Variants in PACC1 observed in about 807,000 individuals in gnomAD.
PACC1 encodes proton activated chloride channel 1, also known as proton-activated chloride channel.
A neutral mutation model predicts 39.7 loss-of-function variants in PACC1; 34 were observed. The observed-to-expected ratio is 0.86, with a 90% CI of 0.65 to 1.14. The LOEUF (loss-of-function observed/expected upper bound fraction) is 1.14. Ranked by LOEUF, PACC1 falls within the 50% of genes most tolerant of loss-of-function variation. PACC1 has a pLI of 0.00. For missense variants in PACC1, 379 were observed against 436.4 expected (o/e 0.87, Z 1.17); for synonymous variants, 127 against 160.6 (o/e 0.79, Z 1.58).
intron 6 of PACC1, among the ~76,000 whole-genome samples, chr1:212,375,919 C>A (rs1303576539): frequency 6.6e-6 from 1 of 152,100 alleles, no homozygotes; most frequent in Non-Finnish European, 1.5e-5. Flanking sequence ...AAACCATATT[C>A]AAACTACCAT....
At chr1:212,397,280 C>A (rs537930996) in intron 2 of PACC1, among the ~76,000 whole-genome samples, 1 of 152,216 alleles carries the variant, frequency 6.6e-6, no homozygotes, top group African/African-American at 2.4e-5. Context: ...AAAAACCCAG[C>A]AAGACAAGTA....
chr1:212,400,462 T>C (rs1006851181), intron 2 of PACC1, among the ~76,000 whole-genome samples: 2 of 152,226 alleles, frequency 1.3e-5, no homozygotes, highest in African/African-American at 2.4e-5. Flanking sequence ...TCTTCTGTTT[T>C]ACTCACAGAA....
intron 7 of PACC1, among the ~76,000 whole-genome samples, chr1:212,374,877 C>T (rs1412901861): frequency 6.6e-6 from 1 of 152,200 alleles, no homozygotes; most frequent in Non-Finnish European, 1.5e-5. Flanking sequence ...TAAGCAGCTA[C>T]TTTGCACTAA....
intron 1 of PACC1, among the ~76,000 whole-genome samples, chr1:212,412,929 T>G (rs1662190001): frequency 6.6e-6 from 1 of 152,216 alleles, no homozygotes; most frequent in Admixed American, 6.5e-5. Flanking sequence ...TTTTATTATC[T>G]TCATCTTTCA....
At chr1:212,411,242 G>A (rs566615072) in intron 1 of PACC1, among the ~76,000 whole-genome samples, 1 of 152,324 alleles carries the variant, frequency 6.6e-6, no homozygotes, top group South Asian at 2.1e-4. Flanking sequence ...AAAGCCCATA[G>A]TCTTAACCAC....
intron 7 of PACC1, among the ~76,000 whole-genome samples, chr1:212,371,256 AAAAG>A (rs1363494834): frequency 0.058 from 8,337 of 143,018 alleles, 733 homozygotes; most frequent in African/African-American, 0.23. Flanking sequence ...AAAAAAAAAA[AAAAG>A]AAAGAAAAGT....
At chr1:212,405,959 C>A (rs2102538270) in intron 2 of PACC1, among the ~76,000 whole-genome samples, 1 of 151,074 alleles carries the variant, frequency 6.6e-6, no homozygotes, top group South Asian at 2.1e-4. Flanking sequence ...CTGGGCAACA[C>A]TGCATGACCT....
intron 7 of PACC1, among the ~76,000 whole-genome samples, chr1:212,373,562 C>T (rs1660536970): frequency 6.6e-6 from 1 of 152,096 alleles, no homozygotes; most frequent in South Asian, 2.1e-4. Context: ...TAAGAGACAA[C>T]CTACAGAATG....
intron 5 of PACC1, among the ~76,000 whole-genome samples, chr1:212,378,627 CG>C (rs1347722426): frequency 6.6e-6 from 1 of 152,146 alleles, no homozygotes; most frequent in Non-Finnish European, 1.5e-5. Flanking sequence ...CTAGGCTCCA[CG>C]GTGTGACCCC....
chr1:212,377,126 C>T (rs1281591247), intron 6 of PACC1, among the ~76,000 whole-genome samples: 2 of 152,172 alleles, frequency 1.3e-5, no homozygotes, highest in African/African-American at 4.8e-5. Context: ...TGGCATCTCT[C>T]GCTGTGACAC....
intron 7 of PACC1, among the ~76,000 whole-genome samples, chr1:212,369,713 G>A (rs142960216): frequency 1.1e-3 from 170 of 151,532 alleles, no homozygotes; most frequent in Middle Eastern, 6.8e-3. Context: ...CCCGGGAGGT[G>A]GAGGTTGCAG....
chr1:212,365,150 T>C lies in PACC1; in HGVS notation c.*65A>G. The C allele has an allele frequency of 2.0e-6, 3 of 1,527,846 alleles. No homozygotes were observed. Among genetic ancestry groups the C allele is most frequent in the Non-Finnish European group, 2.7e-6 (3 of 1,124,832 alleles). The allele number at this position is 1,527,846 out of a possible 1,614,324, so 94.6% of individuals were successfully genotyped here. A position where few individuals can be genotyped will look rare whatever the true frequency, so the allele number is the denominator to read the frequency against. ...GTACAGGATTGTTGATAGCTCCGTT[T>C]ACAAAGTGGAAGTGATGACAGCTCC... On this transcript the variant is annotated 3_prime_UTR_variant, in exon 8 of 8. Transcript: ENST00000261455.
At chr1:212,371,747 TC>T (rs1660468785) in intron 7 of PACC1, among the ~76,000 whole-genome samples, 1 of 152,146 alleles carries the variant, frequency 6.6e-6, no homozygotes, top group Non-Finnish European at 1.5e-5. Flanking sequence ...CAGGCCGATA[TC>T]TCTGATGAAC....
At chr1:212,413,755 G>C in intron 1 of PACC1, 2 of 924,838 alleles carry the variant, frequency 2.2e-6, no homozygotes, top group African/African-American at 1.7e-5. Flanking sequence ...CGTCAGGTCT[G>C]AGAAAAAAGG....
chr1:212,412,407 C>T (rs1303633758), intron 1 of PACC1, among the ~76,000 whole-genome samples: 1 of 152,232 alleles, frequency 6.6e-6, no homozygotes, highest in African/African-American at 2.4e-5. Flanking sequence ...TCCTTGCCTG[C>T]CCCTGGCCAA....
chr1:212,377,601 CT>C lies in PACC1; in HGVS notation c.743del (p.Lys248ArgfsTer51). On this transcript the variant is annotated frameshift_variant, in exon 6 of 8. Coordinates refer to ENST00000261455, the MANE Select transcript of PACC1 (RefSeq NM_018252.3). LOFTEE classifies it high-confidence loss of function. Reference protein sequence around the residue: ...TWVKMSLVKTKEEDGREAVEF... With the variant: ...TWVKMSLVKTXEEDGREAVEF... ...CCACTGCTTCCCGCCCATCCTCCTC[CT>C]TGGTCTTTACCAGTGACATCTTGAC... 1 of 1,614,232 alleles carries C rather than the reference CT, an allele frequency of 6.2e-7. No individual in the cohort carries two copies. Among genetic ancestry groups the C allele is most frequent in the Non-Finnish European group, 8.5e-7 (1 of 1,180,034 alleles).
intron 3 of PACC1, among the ~76,000 whole-genome samples, chr1:212,385,987 G>C (rs777818169): frequency 3.9e-5 from 6 of 152,130 alleles, no homozygotes; most frequent in Non-Finnish European, 5.9e-5. Flanking sequence ...GAGACACTAA[G>C]ACACCAGACA....
intron 2 of PACC1, among the ~76,000 whole-genome samples, chr1:212,388,272 A>C (rs1007069360): frequency 6.6e-6 from 1 of 152,064 alleles, no homozygotes; most frequent in Non-Finnish European, 1.5e-5. Flanking sequence ...TCCCTAACTG[A>C]ATCCTTAGCC....
intron 2 of PACC1, among the ~76,000 whole-genome samples, chr1:212,396,753 T>C (rs889496455): frequency 1.4e-5 from 2 of 138,190 alleles, no homozygotes; most frequent in East Asian, 2.1e-4. Flanking sequence ...AAAGTGCTAA[T>C]GTAAAGAAAA....
Sources: allele counts gnomAD v4.1 joint callset (sites outside exome capture counted in the v4.1 genomes callset), GRCh38; gene constraint gnomAD v4.1.1; transcripts MANE v1.5; gene names NCBI Gene and HGNC (gene_info 2026-07-23, HGNC 2026-07-21).